Variants in SULF2 observed in about 807,000 individuals in gnomAD.
SULF2 encodes the protein sulfatase 2.
Under a neutral mutation model 107.7 loss-of-function variants are expected in SULF2, and 52 were observed. The observed-to-expected ratio is 0.48, with a 90% confidence interval of 0.39 to 0.61. SULF2 has a LOEUF of 0.61. Among genes scored for constraint, SULF2 ranks in the 20% least tolerant of loss-of-function variants. The probability of loss-of-function intolerance (pLI) is 0.00; values close to 1 mark genes in which losing one functional copy is unlikely to be tolerated. For missense variants in SULF2, 993 were observed against 1,177.3 expected (o/e 0.84, Z 2.29); for synonymous variants, 460 against 464.3 (o/e 0.99, Z 0.12).
intron 3 of SULF2, among the ~76,000 whole-genome samples, chr20:47,703,884 A>G (rs899131522): frequency 6.6e-6 from 1 of 152,226 alleles, no homozygotes; most frequent in African/African-American, 2.4e-5. Flanking sequence ...CAACCTAAGA[A>G]TGTTAAGAGA....
chr20:47,782,555 C>T (rs1600704530), intron 1 of SULF2, among the ~76,000 whole-genome samples: 3 of 152,270 alleles, frequency 2.0e-5, no homozygotes, highest in African/African-American at 7.2e-5. Flanking sequence ...TGGCACCACC[C>T]CCAGGGCCAG....
intron 1 of SULF2, among the ~76,000 whole-genome samples, chr20:47,783,921 G>C (rs777562170): frequency 6.6e-6 from 1 of 152,198 alleles, no homozygotes; most frequent in Non-Finnish European, 1.5e-5. Flanking sequence ...CTCTTACAGG[G>C]AAGGGGCCCC....
chr20:47,672,102 G>A lies in SULF2; in HGVS notation c.1576+96C>T, dbSNP rs532188714. Reference sequence around the variant, plus strand: ...AGCCCCTAGATCACCACCTGGCAAAGTGACAGTCTCTGTGGAACTGTCGGA... The same window carrying A: ...AGCCCCTAGATCACCACCTGGCAAAATGACAGTCTCTGTGGAACTGTCGGA... On this transcript the variant is annotated intron_variant, in intron 11 of 20. Coordinates refer to ENST00000688720, the MANE Select transcript of SULF2 (RefSeq NM_001387048.1). 6 of 1,336,670 alleles carry A rather than the reference G, an allele frequency of 4.5e-6. No homozygotes were observed. In the South Asian group the frequency reaches 8.3e-5, roughly 18 times the overall value. 82.8% of individuals were successfully genotyped at this position (1,336,670 alleles called of 1,614,324 possible).
chr20:47,707,419 G>A (rs189174955), intron 3 of SULF2, among the ~76,000 whole-genome samples: 152 of 152,126 alleles, frequency 1.0e-3, no homozygotes, highest in African/African-American at 3.0e-3. Context: ...ATCTAATCAC[G>A]TGCTTAGAGG....
At chr20:47,763,498 C>A (rs1409615640) in intron 1 of SULF2, among the ~76,000 whole-genome samples, 6 of 152,136 alleles carry the variant, frequency 3.9e-5, no homozygotes, top group Non-Finnish European at 7.3e-5. Flanking sequence ...AACAATCAGG[C>A]AGCTGAGGTG....
rs2087877609 is a variant in SULF2 at position 47,682,979 on chromosome 20, G to A, written c.1064+15C>T. ...CCAGGGGCCTCCCTGGGTCCCTGGGGGATGACACACTTACAGACAGCCGGC... is the reference window on the plus strand; with the variant it reads ...CCAGGGGCCTCCCTGGGTCCCTGGGAGATGACACACTTACAGACAGCCGGC... On this transcript the variant is annotated intron_variant, in intron 7 of 20. Transcript: ENST00000688720. The A allele has an allele frequency of 5.0e-6, 8 of 1,587,608 alleles. No individual in the cohort carries two copies. Among genetic ancestry groups the A allele is most frequent in the African/African-American group, 1.3e-5 (1 of 74,596 alleles).
intron 3 of SULF2, among the ~76,000 whole-genome samples, chr20:47,712,975 A>T (rs956420176): frequency 6.6e-6 from 1 of 151,952 alleles, no homozygotes; most frequent in African/African-American, 2.4e-5. Context: ...GTGGAGGCGG[A>T]GGCTGCAGTG....
At chr20:47,737,849 G>A (rs2089782388) in intron 2 of SULF2, among the ~76,000 whole-genome samples, 4 of 127,922 alleles carry the variant, frequency 3.1e-5, no homozygotes, top group Non-Finnish European at 6.2e-5. Flanking sequence ...TGCAATCTCT[G>A]CTTCCCGGGT....
At chr20:47,668,059 G>A (rs940166322) in intron 11 of SULF2, among the ~76,000 whole-genome samples, 1 of 152,156 alleles carries the variant, frequency 6.6e-6, no homozygotes, top group African/African-American at 2.4e-5. Context: ...TTAGTCTCCC[G>A]ATGCAAGTAC....
intron 1 of SULF2, among the ~76,000 whole-genome samples, chr20:47,777,988 A>T (rs887658830): frequency 8.6e-5 from 13 of 152,038 alleles, no homozygotes; most frequent in East Asian, 1.9e-4. Context: ...AAAAAAAAAA[A>T]AAATTAGCTG....
intron 7 of SULF2, 38 bp downstream of exon 7, chr20:47,682,950 GGGCCCA>G: frequency 1.3e-6 from 2 of 1,530,866 alleles, no homozygotes; most frequent in Middle Eastern, 3.5e-4. Context: ...GCCCTGAGCT[GGGCCCA>G]GGGGCCTCCC....
chr20:47,785,125 C>T (rs11908112), intron 1 of SULF2, among the ~76,000 whole-genome samples: 1 of 151,958 alleles, frequency 6.6e-6, no homozygotes, highest in Non-Finnish European at 1.5e-5. Flanking sequence ...AACAGGTCAT[C>T]CCTCTGCGGA....
chr20:47,688,105 A>G (rs1372891359), intron 5 of SULF2, among the ~76,000 whole-genome samples: 1 of 148,936 alleles, frequency 6.7e-6, no homozygotes, highest in Non-Finnish European at 1.5e-5. Context: ...TTGCCAGAGT[A>G]CACAAGGCCT....
In SULF2 at chr20:47,666,276, T is replaced by A. The variant is rs767595339; in HGVS notation, c.1789A>T (p.Ile597Phe). The change falls in exon 12 of 21, where the codon ATT (isoleucine) becomes TTT (phenylalanine). Residue 597 changes from isoleucine to phenylalanine, a missense_variant. Physicochemically the swap from Ile to Phe is conservative, Grantham distance 21. Around this residue, in one of 3 missense-constraint regions of SULF2, gnomAD observed 497 missense variants for 544.1 expected, o/e 0.91. Coordinates refer to ENST00000688720, the MANE Select transcript of SULF2 (RefSeq NM_001387048.1). The surrounding 1 kb of genome is among the most constrained non-coding windows in gnomAD (Gnocchi z 5.4). ...GACACTCACCGATGTGTCACTTTAA[T>A]GGGGTTGGCGGCTGAGTAGTCGGGA... ...GLPDYSAANP[I>F]KVTHRCYILE... 1.9e-6 allele frequency: 3 copies of A among 1,614,020 alleles called. No individual in the cohort carries two copies. In the Admixed American group the frequency reaches 5.0e-5, roughly 27 times the overall value.
rs561895325 is a variant in SULF2 at position 47,694,236 on chromosome 20, G to A, written c.568-3941C>T. On this transcript the variant is annotated intron_variant, in intron 4 of 20. Transcript: ENST00000688720. This position sits in a 1 kb window ranked among gnomAD's most constrained non-coding sequence, Gnocchi z 4.4. ...AACAGGAGGCCTGGGCCAGGGTGGCGGGGGCAGCATCCAGCGATGCTCAGG... is the reference window on the plus strand; with the variant it reads ...AACAGGAGGCCTGGGCCAGGGTGGCAGGGGCAGCATCCAGCGATGCTCAGG... Among the ~76,000 whole-genome samples the A allele has an allele frequency of 1.6e-4, 24 of 152,312 alleles. No homozygotes were observed. Among genetic ancestry groups the A allele is most frequent in the African/African-American group, 3.8e-4 (16 of 41,568 alleles).
chr20:47,772,141 C>T (rs2090642780), intron 1 of SULF2, among the ~76,000 whole-genome samples: 1 of 152,234 alleles, frequency 6.6e-6, no homozygotes, highest in Admixed American at 6.5e-5. Context: ...CATTCATTCC[C>T]TTTCTTATTT....
chr20:47,663,314 A>G, intron 16 of SULF2, 102 bp from the exon 17 acceptor site: 1 of 1,583,104 alleles, frequency 6.3e-7, no homozygotes, highest in Non-Finnish European at 8.6e-7. Context: ...AGTTCGTCAA[A>G]TGCCAAGAGG....
At chr20:47,769,206 A>T (rs897798467) in intron 1 of SULF2, among the ~76,000 whole-genome samples, 1 of 151,750 alleles carries the variant, frequency 6.6e-6, no homozygotes, top group South Asian at 2.1e-4. Context: ...ACGCCCGCTA[A>T]TTTTTTTGTA....
chr20:47,758,935 G>A lies in SULF2; in HGVS notation c.-100-1472C>T, dbSNP rs539544979. On this transcript the variant is annotated intron_variant, in intron 1 of 20. Coordinates refer to ENST00000688720, the MANE Select transcript of SULF2 (RefSeq NM_001387048.1). The stretch of plus-strand genomic sequence containing the variant: ...GACTCAGAGGCTCAGCAAGGTCTCC[G>A]GGTTCAGCAGGGGGATGTGCTGCCT... Among the ~76,000 whole-genome samples, 25 of 152,272 alleles carry A rather than the reference G, an allele frequency of 1.6e-4. 1 individual carries two copies. In the South Asian group the frequency reaches 3.9e-3, roughly 24 times the overall value.
Sources: allele counts gnomAD v4.1 joint callset (sites outside exome capture counted in the v4.1 genomes callset), GRCh38; gene constraint gnomAD v4.1.1; regional missense constraint gnomAD v4.1.1; non-coding constraint Gnocchi (gnomAD v3.1); transcripts MANE v1.5; gene names NCBI Gene and HGNC (gene_info 2026-07-23, HGNC 2026-07-21).